Variants in BSN observed in about 807,000 individuals in gnomAD.
BSN encodes the protein bassoon presynaptic cytomatrix protein.
In BSN, 57 loss-of-function variants were observed where a neutral mutation model predicts 264.8. The observed-to-expected ratio is 0.22, with a 90% CI of 0.17 to 0.27. The LOEUF (loss-of-function observed/expected upper bound fraction) is 0.27, where lower values mean the gene tolerates loss of function less well. BSN is among the 10% of genes least tolerant of loss of function. The pLI is 1.00. For synonymous variants in BSN, 2,059 were observed against 2,137.3 expected (o/e 0.96, Z 1.01); for missense variants, 4,615 against 5,232.5 (o/e 0.88, Z 3.64).
In BSN at chr3:49,652,489, A is replaced by C. The variant is rs1339140707; in HGVS notation, c.2933A>C (p.Glu978Ala). ...TCCCCTGAGGACCGCTCCCGTGGTG[A>C]GCACTCCTCTACATTGCCTGCCTCC... ...TGSPEDRSRGEHSSTLPASTP... is the reference protein window; with the variant it reads ...TGSPEDRSRGAHSSTLPASTP... The change falls in exon 5 of 12, where the codon GAG (glutamate) becomes GCG (alanine). Residue 978 changes from glutamate (E) to alanine (A), a missense_variant. Around this residue, in one of 3 missense-constraint regions of BSN, gnomAD observed 1,197 missense variants for 1,348.0 expected, o/e 0.89. Transcript: ENST00000296452. The C allele has an allele frequency of 6.2e-7, 1 of 1,613,772 alleles. No individual in the cohort carries two copies. The highest frequency in any genetic ancestry group is 8.5e-7 in the Non-Finnish European group (1 of 1,180,012).
At position 49,658,139 on chromosome 3, in the gene BSN, A is replaced by T. The variant is rs1224565641; in HGVS notation, c.8583A>T (p.Glu2861Asp). 1 of 1,606,148 alleles carries T rather than the reference A, an allele frequency of 6.2e-7. No individual in the cohort carries two copies. Among genetic ancestry groups the T allele is most frequent in the South Asian group, 1.1e-5 (1 of 90,630 alleles). Reference protein sequence around the residue: ...SDPKPLSPTAEESAKERFSLY... With the variant: ...SDPKPLSPTADESAKERFSLY... ...CTAAGCCCCTCAGCCCCACCGCCGA[A>T]GAGTCTGCCAAAGAGAGATTCTCCC... The change falls in exon 5 of 12, where the codon GAA (glutamate) becomes GAT (aspartate). Residue 2861 changes from glutamate (E) to aspartate (D), a missense_variant. Transcript: ENST00000296452.
intron 3 of BSN, among the ~76,000 whole-genome samples, chr3:49,643,863 C>T (rs1198656769): frequency 1.3e-5 from 2 of 152,220 alleles, no homozygotes; most frequent in Admixed American, 6.5e-5. Context: ...GCCCCTGCTC[C>T]AGGGAAGGGC....
At chr3:49,605,405 T>C (rs745902884) in intron 1 of BSN, among the ~76,000 whole-genome samples, 1 of 42,430 alleles carries the variant, frequency 2.4e-5, no homozygotes, top group Non-Finnish European at 4.0e-5. Context: ...TATATTTATA[T>C]AATTTATATT....
chr3:49,587,373 C>T (rs893019148), intron 1 of BSN, among the ~76,000 whole-genome samples: 2 of 152,214 alleles, frequency 1.3e-5, no homozygotes, highest in African/African-American at 2.4e-5. Flanking sequence ...AATTTGACTT[C>T]TTCCTTTCCC....
At chr3:49,614,894 G>A (rs2052247543) in intron 1 of BSN, among the ~76,000 whole-genome samples, 1 of 152,132 alleles carries the variant, frequency 6.6e-6, no homozygotes, top group Admixed American at 6.6e-5. Context: ...CCCAGGGCTG[G>A]GGAATGAGGT....
Position 49,657,925 on chromosome 3 carries a change from C to G in BSN, c.8369C>G (p.Ser2790Cys), listed in dbSNP as rs146150633. ...SQLVSRQPPK[S>C]PQVLYSPVSP... ...CTTGTGAGCCGCCAGCCTCCCAAGT[C>G]CCCTCAGGTCCTCTACTCACCAGTC... is the stretch of plus-strand genomic sequence containing the variant. Residue 2790 changes from serine (S) to cysteine (C), a missense_variant, in exon 5 of 12, where the codon TCC (serine) becomes TGC (cysteine). By Grantham distance (112) the Ser-to-Cys change is moderately radical (BLOSUM62 -1). Transcript: ENST00000296452. 2 of 1,613,780 alleles carry G rather than the reference C, an allele frequency of 1.2e-6. No individual in the cohort carries two copies. Among genetic ancestry groups the G allele is most frequent in the Non-Finnish European group, 1.7e-6 (2 of 1,179,856 alleles).
At chr3:49,587,553 GA>G (rs1324400468) in intron 1 of BSN, among the ~76,000 whole-genome samples, 1 of 152,188 alleles carries the variant, frequency 6.6e-6, no homozygotes, top group African/African-American at 2.4e-5. Flanking sequence ...TAGATTTATT[GA>G]AATGAAAGTG....
chr3:49,625,876 G>T lies in BSN; in HGVS notation c.633+493G>T, dbSNP rs1022348096. Among the ~76,000 whole-genome samples the T allele has an allele frequency of 1.3e-5, 2 of 152,212 alleles. No individual in the cohort carries two copies. Among genetic ancestry groups the T allele is most frequent in the Admixed American group, 6.5e-5 (1 of 15,288 alleles). Reference sequence around the variant, plus strand: ...AGGCAGGAAACTGCCTTCCAGCTGGGCTCTGGGAAGCACCTCTTCTTGGCT... The same window carrying T: ...AGGCAGGAAACTGCCTTCCAGCTGGTCTCTGGGAAGCACCTCTTCTTGGCT... On this transcript the variant is annotated intron_variant, in intron 2 of 11. Coordinates refer to ENST00000296452, the MANE Select transcript of BSN (RefSeq NM_003458.4). The surrounding 1 kb of genome is among the most constrained non-coding windows in gnomAD (Gnocchi z 4.4).
At chr3:49,600,101 A>T (rs1225707255) in intron 1 of BSN, among the ~76,000 whole-genome samples, 1 of 152,194 alleles carries the variant, frequency 6.6e-6, no homozygotes, top group Admixed American at 6.5e-5. Flanking sequence ...GTAATGTATG[A>T]ATTGGGGATG....
intron 1 of BSN, among the ~76,000 whole-genome samples, chr3:49,615,733 T>C (rs1013449727): frequency 6.6e-6 from 1 of 152,160 alleles, no homozygotes; most frequent in Non-Finnish European, 1.5e-5. Flanking sequence ...TTTTGGCCCC[T>C]AGGACAATCA....
intron 2 of BSN, among the ~76,000 whole-genome samples, chr3:49,634,972 AGAGGG>A (rs2052410136): frequency 6.6e-6 from 1 of 152,176 alleles, no homozygotes; most frequent in South Asian, 2.1e-4. Flanking sequence ...CCAGAGTGGC[AGAGGG>A]GGCTGAGGCT....
intron 5 of BSN, among the ~76,000 whole-genome samples, chr3:49,659,075 C>T (rs1226473816): frequency 2.0e-5 from 3 of 152,144 alleles, no homozygotes; most frequent in African/African-American, 7.2e-5. Flanking sequence ...AGAGACCTGG[C>T]AGAGGAGGCA....
intron 1 of BSN, among the ~76,000 whole-genome samples, chr3:49,567,345 T>G (rs1310703140): frequency 6.6e-6 from 1 of 152,250 alleles, no homozygotes; most frequent in Non-Finnish European, 1.5e-5. Flanking sequence ...GATTACTTTT[T>G]GATCAGTTTT....
chr3:49,639,061 A>AG (rs1468536638), intron 2 of BSN, among the ~76,000 whole-genome samples: 1 of 152,098 alleles, frequency 6.6e-6, no homozygotes, highest in Non-Finnish European at 1.5e-5. Flanking sequence ...TCTCACTTTG[A>AG]TGGGAATAAG....
intron 6 of BSN, 151 bp downstream of exon 6, chr3:49,662,713 C>G (rs983902634): frequency 2.2e-6 from 3 of 1,366,992 alleles, no homozygotes; most frequent in Non-Finnish European, 2.9e-6. Flanking sequence ...CTTGCCTGCT[C>G]CATCTGTGCC....
intron 3 of BSN, among the ~76,000 whole-genome samples, chr3:49,644,126 G>C (rs1229016954): frequency 6.6e-6 from 1 of 152,188 alleles, no homozygotes; most frequent in Non-Finnish European, 1.5e-5. Context: ...TGTCTCCTTA[G>C]AGTGCCCTCA....
intron 1 of BSN, among the ~76,000 whole-genome samples, chr3:49,622,084 T>C (rs2052311584): frequency 6.6e-6 from 1 of 151,936 alleles, no homozygotes; most frequent in Non-Finnish European, 1.5e-5. Flanking sequence ...GGGGAGAATT[T>C]GTGAAGGTGA....
rs553558988 is a variant in BSN, at chr3:49,649,215, T to G, written c.1519-1397T>G. Among the ~76,000 whole-genome samples the G allele has an allele frequency of 3.9e-5, 6 of 152,328 alleles. No homozygotes were observed. In the South Asian group the frequency reaches 1.2e-3, roughly 32 times the overall value. On this transcript the variant is annotated intron_variant, in intron 3 of 11. Coordinates refer to ENST00000296452, the MANE Select transcript of BSN (RefSeq NM_003458.4). ...GCATGTGAAGTGAGGGTACTGAGGTTGTCAGCCTTCCTGGGGGTGGCAAGG... is the reference window on the plus strand; with the variant it reads ...GCATGTGAAGTGAGGGTACTGAGGTGGTCAGCCTTCCTGGGGGTGGCAAGG...
chr3:49,658,211 G>C lies in BSN; in HGVS notation c.8640+15G>C. On this transcript the variant is annotated intron_variant, in intron 5 of 11. Transcript: ENST00000296452. ...TGGGTAGCCAGGTATGGGAACAGGG[G>C]CTGTTCCAGGGTGGGACAGGGGTCT... 6.5e-7 allele frequency: 1 copy of C among 1,530,410 alleles called. No individual in the cohort carries two copies. Among genetic ancestry groups the C allele is most frequent in the Non-Finnish European group, 8.8e-7 (1 of 1,137,328 alleles). The allele number at this position is 1,530,410 out of a possible 1,614,324, so 94.8% of individuals were successfully genotyped here.
Sources: gnomAD v4.1 joint callset for allele counts (sites outside exome capture counted in the v4.1 genomes callset) on GRCh38, gnomAD v4.1.1 for gene constraint, gnomAD v4.1.1 regional missense constraint, Gnocchi (gnomAD v3.1) non-coding constraint, MANE v1.5 for transcripts, NCBI Gene and HGNC (gene_info 2026-07-23, HGNC 2026-07-21) for gene names.